Variants in WDR27 observed in about 807,000 individuals in gnomAD.
The protein encoded by WDR27 is WD repeat domain 27.
Under a neutral mutation model 114.4 loss-of-function variants are expected in WDR27, and 100 were observed. The ratio of observed to expected loss-of-function variants is 0.87; its 90% CI spans 0.74 to 1.03. The LOEUF is 1.03. WDR27 is among the 50% of genes least tolerant of loss of function. WDR27 has a pLI of 0.00. For missense variants in WDR27, 1,129 were observed against 1,092.9 expected, an observed-to-expected ratio of 1.03 and a Z score of -0.47; for synonymous variants, 449 against 423.1, an observed-to-expected ratio of 1.06 and a Z score of -0.75.
chr6:169,681,539 C>T (rs1562921084), intron 2 of WDR27, among the ~76,000 whole-genome samples: 1 of 152,214 alleles, frequency 6.6e-6, no homozygotes, highest in African/African-American at 2.4e-5. Context: ...GCTTGGTTAC[C>T]ACCTCATTTG....
chr6:169,559,517 T>A (rs1452943978), intron 25 of WDR27: 1 of 152,186 alleles, frequency 6.6e-6, no homozygotes, highest in Non-Finnish European at 1.5e-5. Context: ...CAAGCATTAA[T>A]GCCACATTAG....
At chr6:169,581,840 C>T (rs1044117630) in intron 24 of WDR27, among the ~76,000 whole-genome samples, 1 of 152,238 alleles carries the variant, frequency 6.6e-6, no homozygotes, top group Admixed American at 6.5e-5. Flanking sequence ...TGTGGAGTGC[C>T]GTTCCACCTG....
At chr6:169,688,203 G>A (rs1035315796) in intron 2 of WDR27, among the ~76,000 whole-genome samples, 2 of 152,108 alleles carry the variant, frequency 1.3e-5, no homozygotes, top group African/African-American at 4.8e-5. Context: ...ATACTGTGTA[G>A]CAATGAAAAT....
chr6:169,613,724 TATCTC>T, intron 21 of WDR27, 68 bp from the exon 22 acceptor site: 1 of 1,314,388 alleles, frequency 7.6e-7, no homozygotes, highest in Non-Finnish European at 1.1e-6. Context: ...ATGCTAATGA[TATCTC>T]ATAATAGCTG....
the WDR27 span, among the ~76,000 whole-genome samples, chr6:169,443,962 G>A: frequency 1.7e-3 from 253 of 152,208 alleles, no homozygotes; most frequent in African/African-American, 5.8e-3. Context: ...GGAAGATGGC[G>A]GCATAGACAT....
At chr6:169,672,165 G>A in intron 3 of WDR27, 90 bp downstream of exon 3, 1 of 1,393,264 alleles carries the variant, frequency 7.2e-7, no homozygotes, top group Non-Finnish European at 9.7e-7. Flanking sequence ...GTTACCCAAG[G>A]GAAACACCCC....
intron 25 of WDR27, among the ~76,000 whole-genome samples, chr6:169,566,985 C>G (rs1487403415): frequency 6.6e-6 from 1 of 152,214 alleles, no homozygotes; most frequent in Admixed American, 6.5e-5. Context: ...AGGCATCCCA[C>G]ATAGAGACAC....
intron 25 of WDR27, among the ~76,000 whole-genome samples, chr6:169,506,372 T>C (rs1791999831): frequency 6.6e-6 from 1 of 152,196 alleles, no homozygotes; most frequent in South Asian, 2.1e-4. Context: ...CTGACAGAAC[T>C]TGAGGTAAGT....
At chr6:169,683,176 G>C (rs1781973160) in intron 2 of WDR27, among the ~76,000 whole-genome samples, 1 of 152,178 alleles carries the variant, frequency 6.6e-6, no homozygotes, top group South Asian at 2.1e-4. Context: ...TCCAAACCTG[G>C]AGATATAAAT....
intron 16 of WDR27, 90 bp from the exon 17 acceptor site, chr6:169,643,876 C>A (rs1819791817): frequency 9.9e-7 from 1 of 1,012,578 alleles, no homozygotes; most frequent in Non-Finnish European, 1.4e-6. Flanking sequence ...AGGAGTCACA[C>A]TGTAGAAAAT....
chr6:169,621,666 G>C (rs575428146), intron 21 of WDR27, among the ~76,000 whole-genome samples: 6 of 129,848 alleles, frequency 4.6e-5, no homozygotes, highest in Non-Finnish European at 8.2e-5. Context: ...ATTCATTCAC[G>C]CATATACATA....
chr6:169,683,892 C>T (rs997131631), intron 2 of WDR27, among the ~76,000 whole-genome samples: 2 of 152,158 alleles, frequency 1.3e-5, no homozygotes, highest in South Asian at 2.1e-4. Flanking sequence ...ATTAGGAGCA[C>T]GAAGTGTGCA....
In WDR27 at chr6:169,647,877, GA is replaced by G. The variant is rs1821202309; in HGVS notation, c.1560-8del. 1.9e-6 allele frequency: 3 copies of G among 1,545,650 alleles called. No individual in the cohort carries two copies. The African/African-American group carries it at 4.1e-5, about 21-fold the overall frequency. ...CTCCACGGGGTATGCCTCCCTGAGGGAAGGCCACAGGTAACGGTGATCGGGA... is the reference window on the plus strand; with the variant it reads ...CTCCACGGGGTATGCCTCCCTGAGGGAGGCCACAGGTAACGGTGATCGGGA... On this transcript the variant is annotated splice_polypyrimidine_tract_variant and splice_region_variant and intron_variant, in intron 15 of 25. Coordinates refer to ENST00000448612, the MANE Select transcript of WDR27 (RefSeq NM_182552.5).
chr6:169,470,174 C>A (rs1786164381), intron 25 of WDR27, among the ~76,000 whole-genome samples: 1 of 152,200 alleles, frequency 6.6e-6, no homozygotes, highest in Non-Finnish European at 1.5e-5. Flanking sequence ...TTTTCACTTC[C>A]ATTTGAGACC....
intron 25 of WDR27, among the ~76,000 whole-genome samples, chr6:169,461,574 A>G (rs1299735491): frequency 6.6e-6 from 1 of 151,800 alleles, no homozygotes; most frequent in Admixed American, 6.6e-5. Flanking sequence ...TAAAAATAAC[A>G]CACCATGCAA....
intron 23 of WDR27, among the ~76,000 whole-genome samples, chr6:169,598,665 C>A (rs774230683): frequency 6.6e-6 from 1 of 152,106 alleles, no homozygotes; most frequent in African/African-American, 2.4e-5. Context: ...TGGAGATGGA[C>A]GCAGAGGCCA....
At chr6:169,441,831 T>C in the WDR27 span, among the ~76,000 whole-genome samples, 4 of 152,240 alleles carry the variant, frequency 2.6e-5, no homozygotes, top group African/African-American at 9.6e-5. Flanking sequence ...CAAGCTGAAG[T>C]CTGTTCTCTA....
chr6:169,533,158 G>A lies in WDR27; in HGVS notation c.2645+39261C>T, dbSNP rs1481144998. Among the ~76,000 whole-genome samples the A allele has an allele frequency of 2.0e-5, 3 of 152,258 alleles. No individual in the cohort carries two copies. The East Asian group carries it at 5.8e-4, about 30-fold the overall frequency. ...TGTGTTAGACAGAGCTTCAAGGGAAGATGAGGATTAGCAAGGGAGGTAGTG... is the reference window on the plus strand; with the variant it reads ...TGTGTTAGACAGAGCTTCAAGGGAAAATGAGGATTAGCAAGGGAGGTAGTG... On this transcript the variant is annotated intron_variant, in intron 25 of 25. Transcript: ENST00000448612.
rs1562846768 is a variant in WDR27, at chr6:169,659,261, G to A, written c.1198-54C>T. ...GCGACACCACCCAGTAAAAGCAGAC[G>A]AAACGTGCATCCGCACACGTATCCT... On this transcript the variant is annotated intron_variant, in intron 11 of 25. Coordinates refer to ENST00000448612, the MANE Select transcript of WDR27 (RefSeq NM_182552.5). This position sits in a 1 kb window ranked among gnomAD's most constrained non-coding sequence, Gnocchi z 4.3. 2.9e-5 allele frequency: 46 copies of A among 1,559,420 alleles called. No individual in the cohort carries two copies. In the South Asian group the frequency reaches 3.8e-4, roughly 13 times the overall value.
Sources: allele counts gnomAD v4.1 joint callset (sites outside exome capture counted in the v4.1 genomes callset), GRCh38; gene constraint gnomAD v4.1.1; non-coding constraint Gnocchi (gnomAD v3.1); transcripts MANE v1.5; gene names NCBI Gene and HGNC (gene_info 2026-07-23, HGNC 2026-07-21).